ST7: variants seen among roughly 807,000 people sequenced by gnomAD.
ST7 encodes the protein suppression of tumorigenicity 7.
ST7 carries 28 observed loss-of-function variants against 78.7 expected under a neutral mutation model. That is an observed-to-expected ratio of 0.36 (90% confidence interval 0.26 to 0.49). ST7 has a LOEUF of 0.49. ST7 is among the 20% of genes least tolerant of loss of function. The pLI is 0.99. For missense variants in ST7, 418 were observed against 696.0 expected (o/e 0.60, Z 4.49); for synonymous variants, 247 against 249.6 (o/e 0.99, Z 0.10).
chr7:116,969,850 C>T (rs1793321778), intron 1 of ST7, among the ~76,000 whole-genome samples: 1 of 151,986 alleles, frequency 6.6e-6, no homozygotes, highest in Non-Finnish European at 1.5e-5. Context: ...CCAAGGTGGG[C>T]GGATCACCTG....
rs1177194804 is a variant in ST7, at chr7:117,097,891, TA to T, written c.152-1870del. Among the ~76,000 whole-genome samples, 9 of 21,308 alleles carry T rather than the reference TA, an allele frequency of 4.2e-4. 1 individual carries two copies. The highest frequency in any genetic ancestry group is 3.1e-3 in the South Asian group (2 of 648). 14.0% of individuals were successfully genotyped at this position (21,308 alleles called of 152,430 possible). On this transcript the variant is annotated intron_variant, in intron 1 of 15. Transcript: ENST00000323984. ...TATATGACATATCACTATATATATA[TA>T]TATATATATATATATATTTTTTTTT...
chr7:117,218,650 C>A (rs1792869036), intron 13 of ST7, among the ~76,000 whole-genome samples: 1 of 152,120 alleles, frequency 6.6e-6, no homozygotes, highest in Admixed American at 6.5e-5. Context: ...TGGTAGAATA[C>A]CTTTCATATT....
At chr7:117,180,740 C>T (rs1343012264) in intron 10 of ST7, among the ~76,000 whole-genome samples, 1 of 152,158 alleles carries the variant, frequency 6.6e-6, no homozygotes, top group South Asian at 2.1e-4. Context: ...GTCTCAACTT[C>T]CCATGCTCAA....
At chr7:116,994,954 A>T (rs1794584910) in intron 1 of ST7, among the ~76,000 whole-genome samples, 1 of 151,976 alleles carries the variant, frequency 6.6e-6, no homozygotes, top group African/African-American at 2.4e-5. Context: ...ATCAGGATCG[A>T]CTTTTTCAGT....
chr7:117,193,728 G>A (rs1451470643), intron 12 of ST7, among the ~76,000 whole-genome samples: 2 of 152,156 alleles, frequency 1.3e-5, no homozygotes, highest in Non-Finnish European at 2.9e-5. Context: ...GACTTCCATG[G>A]CTTCTTTTTC....
chr7:117,121,503 A>C (rs1563098224), intron 3 of ST7, among the ~76,000 whole-genome samples: 1 of 152,216 alleles, frequency 6.6e-6, no homozygotes, highest in Non-Finnish European at 1.5e-5. Context: ...TGATAATTAT[A>C]ACCTGGTTAG....
At chr7:117,076,530 G>A (rs975083710) in intron 1 of ST7, 11 of 152,382 alleles carry the variant, frequency 7.2e-5, no homozygotes, top group African/African-American at 2.6e-4. Context: ...GGGAGTATGC[G>A]AGCAAACAAG....
At chr7:117,098,495 A>C (rs1040846392) in intron 1 of ST7, 1 of 199,494 alleles carries the variant, frequency 5.0e-6, no homozygotes, top group African/African-American at 2.4e-5. Context: ...CAATCTATGC[A>C]CTTATGTAAT....
At position 117,136,221 on chromosome 7, in the gene ST7, A is replaced by G. The variant is rs778590466; in HGVS notation, c.851A>G (p.Tyr284Cys). 5.0e-6 allele frequency: 8 copies of G among 1,613,586 alleles called. No individual in the cohort carries two copies. The highest frequency in any genetic ancestry group is 1.3e-5 in the African/African-American group (1 of 74,868). Residue 284 changes from tyrosine (Y) to cysteine (C), a missense_variant, in exon 8 of 16, where the codon TAT (tyrosine) becomes TGT (cysteine). Tyr to Cys is a radical substitution (Grantham distance 194). Coordinates refer to ENST00000323984, the MANE Select transcript of ST7 (RefSeq NM_001369598.1). ...CAGCTACAACATCATGGATCCCAGT[A>G]TGAAGCCCAACATAGTAAGGTTTCC... The part of the protein sequence containing the change: ...SQQLQHHGSQ[Y>C]EAQHRRDTNV...
In ST7 at chr7:117,169,823, TG is replaced by T. The variant is rs371193802; in HGVS notation, c.964-1038del. 1.4e-3 allele frequency among the ~76,000 whole-genome samples: 158 copies of T among 116,470 alleles called. 2 individuals carry two copies. Among genetic ancestry groups the T allele is most frequent in the African/African-American group, 3.8e-3 (75 of 19,802 alleles). 76.4% of individuals were successfully genotyped at this position (116,470 alleles called of 152,430 possible). A position where few individuals can be genotyped will look rare whatever the true frequency, so the allele number is the denominator to read the frequency against. ...GCAATCCTTTTTTTTTTTTTTTTTT[TG>T]TCCTGAGTAGTTCTCCACTGTGTGG... is the stretch of plus-strand genomic sequence containing the variant. On this transcript the variant is annotated intron_variant, in intron 9 of 15. Transcript: ENST00000323984.
intron 12 of ST7, among the ~76,000 whole-genome samples, chr7:117,198,140 GTTAA>G (rs894634836): frequency 2.6e-5 from 4 of 152,206 alleles, no homozygotes; most frequent in African/African-American, 7.2e-5. Context: ...GGAGGAGGGA[GTTAA>G]TTAGTTTCCT....
At chr7:117,218,946 A>G in intron 13 of ST7, 138 bp from the exon 14 acceptor site, 1 of 636,918 alleles carries the variant, frequency 1.6e-6, no homozygotes, top group South Asian at 1.9e-5. Context: ...TTCATCTGGC[A>G]CATAGCTTGG....
At position 117,003,893 on chromosome 7, in the gene ST7, G is replaced by C. The variant is rs28671039; in HGVS notation, c.151+50202G>C. Among the ~76,000 whole-genome samples the C allele has an allele frequency of 1.5e-3, 231 of 152,232 alleles. 2 individuals carry two copies. The highest frequency in any genetic ancestry group is 5.5e-3 in the African/African-American group (228 of 41,540). On this transcript the variant is annotated intron_variant, in intron 1 of 15. Transcript: ENST00000323984. The stretch of plus-strand genomic sequence containing the variant: ...ATGTGACATGGAGGGTGTCTTTGCA[G>C]GGTGACTACAATCTGTTCAGAGTTC...
At chr7:116,990,837 A>G (rs945503135) in intron 1 of ST7, among the ~76,000 whole-genome samples, 3 of 152,200 alleles carry the variant, frequency 2.0e-5, no homozygotes, top group Admixed American at 6.5e-5. Flanking sequence ...CCTCCCCAAA[A>G]TGAGAATGGA....
intron 1 of ST7, among the ~76,000 whole-genome samples, chr7:117,052,615 C>T (rs1312401637): frequency 2.0e-5 from 3 of 152,212 alleles, no homozygotes; most frequent in Non-Finnish European, 4.4e-5. Context: ...AAATCTAGGG[C>T]CAGGAGCAGT....
intron 1 of ST7, among the ~76,000 whole-genome samples, chr7:117,035,032 G>T (rs899479855): frequency 2.0e-5 from 3 of 151,628 alleles, no homozygotes; most frequent in African/African-American, 4.8e-5. Context: ...CTGTGGTGTC[G>T]CAACATGAAT....
chr7:117,197,876 G>T (rs1053642262), intron 12 of ST7, among the ~76,000 whole-genome samples: 7 of 152,132 alleles, frequency 4.6e-5, no homozygotes, highest in Admixed American at 1.3e-4. Context: ...TTGAGTCTAG[G>T]AGTTTGAGAC....
intron 1 of ST7, among the ~76,000 whole-genome samples, chr7:116,999,150 G>T (rs1344154290): frequency 2.6e-5 from 4 of 152,126 alleles, no homozygotes; most frequent in African/African-American, 9.7e-5. Context: ...CTTCCAAATT[G>T]CTTGAGATTG....
At chr7:117,099,902 T>C in intron 2 of ST7, 58 bp downstream of exon 2, 2 of 1,369,514 alleles carry the variant, frequency 1.5e-6, no homozygotes, top group South Asian at 1.3e-5. Flanking sequence ...TGTGTATTAG[T>C]GTATGTACAG....
Sources: allele counts gnomAD v4.1 joint callset (sites outside exome capture counted in the v4.1 genomes callset), GRCh38; gene constraint gnomAD v4.1.1; transcripts MANE v1.5; gene names NCBI Gene and HGNC (gene_info 2026-07-23, HGNC 2026-07-21).